HDAC9: variants seen among roughly 807,000 people sequenced by gnomAD.
The protein encoded by HDAC9 is MEF-2 interacting transcription repressor (MITR) protein.
A neutral mutation model predicts 139.4 loss-of-function variants in HDAC9; 41 were observed. The ratio of observed to expected loss-of-function variants is 0.29; its 90% CI spans 0.23 to 0.38. The LOEUF (loss-of-function observed/expected upper bound fraction) is 0.38, where lower values mean the gene tolerates loss of function less well. Ranked by LOEUF, HDAC9 falls within the 10% of genes least tolerant of loss-of-function variation. HDAC9 has a pLI of 1.00. For synonymous variants in HDAC9, 517 were observed against 476.2 expected (o/e 1.09, Z -1.12); for missense variants, 1,147 against 1,297.0 (o/e 0.88, Z 1.78).
chr7:18,338,584 A>T (rs1273476661), intron 1 of HDAC9, among the ~76,000 whole-genome samples: 1 of 151,640 alleles, frequency 6.6e-6, no homozygotes. Flanking sequence ...TATTCTATTA[A>T]TATGGCATCT....
intron 24 of HDAC9, among the ~76,000 whole-genome samples, chr7:18,956,657 A>G (rs1029904661): frequency 1.3e-4 from 20 of 152,130 alleles, no homozygotes; most frequent in African/African-American, 4.3e-4. Flanking sequence ...CATCTACTCA[A>G]AAGGAGTCTG....
At chr7:18,600,701 G>T (rs1231200285) in intron 6 of HDAC9, among the ~76,000 whole-genome samples, 1 of 152,126 alleles carries the variant, frequency 6.6e-6, no homozygotes, top group Non-Finnish European at 1.5e-5. Context: ...TCTTAAAGTT[G>T]GGTACTGTCA....
intron 13 of HDAC9, among the ~76,000 whole-genome samples, chr7:18,744,804 C>G (rs1423159155): frequency 6.6e-6 from 1 of 151,824 alleles, no homozygotes; most frequent in Admixed American, 6.6e-5. Flanking sequence ...AGCACAAAGT[C>G]CAAGTTTATC....
chr7:18,732,524 GTATGTGTATA>G (rs1479398395), intron 13 of HDAC9, among the ~76,000 whole-genome samples: 2 of 135,526 alleles, frequency 1.5e-5, no homozygotes, highest in East Asian at 4.5e-4. Context: ...TACACTGTAT[GTATGTGTATA>G]TATGTGTATA....
intron 17 of HDAC9, among the ~76,000 whole-genome samples, chr7:18,798,517 A>G (rs1183783238): frequency 6.6e-6 from 1 of 152,154 alleles, no homozygotes; most frequent in African/African-American, 2.4e-5. Context: ...AGCATAAACT[A>G]GTAACTTGCC....
chr7:18,689,223 G>T (rs1308129593), intron 12 of HDAC9, among the ~76,000 whole-genome samples: 1 of 151,906 alleles, frequency 6.6e-6, no homozygotes, highest in Non-Finnish European at 1.5e-5. Context: ...AAACATTATT[G>T]CAACTTCCAA....
In HDAC9 at chr7:18,099,500, C is replaced by G. The variant is rs886418370; in HGVS notation, c.-97+12287C>G. The stretch of plus-strand genomic sequence containing the variant: ...TAAAGAAAAAAAAAATAAAGTTCAT[C>G]AAAGGCCTTTGCTTAAACTTATGAG... On this transcript the variant is annotated intron_variant, in intron 1 of 12. Coordinates refer to the HDAC9 transcript ENST00000417496. Among the ~76,000 whole-genome samples the G allele has an allele frequency of 5.3e-5, 8 of 152,008 alleles. No individual in the cohort carries two copies. In the South Asian group the frequency reaches 1.7e-3, roughly 32 times the overall value.
rs772291313 is a variant in HDAC9, at chr7:18,666,313, C to T, written c.1568C>T (p.Ala523Val). 4 of 1,613,284 alleles carry T rather than the reference C, an allele frequency of 2.5e-6. No individual in the cohort carries two copies. Among genetic ancestry groups the T allele is most frequent in the South Asian group, 1.1e-5 (1 of 91,078 alleles). The change falls in exon 12 of 26, where the codon GCG (alanine) becomes GTG (valine). Residue 523 changes from alanine (A) to valine (V), a missense_variant. Coordinates refer to ENST00000686413, the MANE Select transcript of HDAC9 (RefSeq NM_178425.4). ...GACCAGGCGATGCAGGAAGACAGAG[C>T]GCCCTCTAGTGGCAACAGCACTAGG... is the stretch of plus-strand genomic sequence containing the variant. ...QGDQAMQEDR[A>V]PSSGNSTRSD...
chr7:18,219,985 T>TTTGCCAGAA (rs1481380538), intron 2 of HDAC9, among the ~76,000 whole-genome samples: 1 of 152,156 alleles, frequency 6.6e-6, no homozygotes, highest in Non-Finnish European at 1.5e-5. Context: ...AGGAATACAT[T>TTTGCCAGAA]TTGCCAGATT....
At chr7:18,683,120 CA>C (rs1363825499) in intron 12 of HDAC9, among the ~76,000 whole-genome samples, 2 of 151,276 alleles carry the variant, frequency 1.3e-5, no homozygotes, top group Non-Finnish European at 3.0e-5. Flanking sequence ...CTTTTTTTTA[CA>C]AAAAACGAAT....
intron 1 of HDAC9, among the ~76,000 whole-genome samples, chr7:18,328,344 T>TA (rs1269448206): frequency 1.5e-5 from 2 of 131,586 alleles, no homozygotes; most frequent in Admixed American, 7.5e-5. Context: ...TCCAGACACT[T>TA]ACGGGGTTAG....
intron 22 of HDAC9, among the ~76,000 whole-genome samples, chr7:18,891,822 G>T (rs1800706242): frequency 1.3e-5 from 2 of 152,108 alleles, no homozygotes; most frequent in Non-Finnish European, 2.9e-5. Flanking sequence ...AGGACACATA[G>T]GACAGAGATA....
intron 1 of HDAC9, among the ~76,000 whole-genome samples, chr7:18,128,421 C>G (rs1584211792): frequency 6.6e-6 from 1 of 151,922 alleles, no homozygotes; most frequent in African/African-American, 2.4e-5. Flanking sequence ...GCTTTGTTGT[C>G]TGTAAAATCA....
chr7:18,907,513 T>G (rs1252053013), intron 22 of HDAC9, among the ~76,000 whole-genome samples: 4 of 152,222 alleles, frequency 2.6e-5, no homozygotes, highest in Admixed American at 6.5e-5. Flanking sequence ...GTGTAAGAAT[T>G]CCCTGCAGAT....
At chr7:18,972,880 A>G (rs1784334054) in intron 24 of HDAC9, among the ~76,000 whole-genome samples, 1 of 152,242 alleles carries the variant, frequency 6.6e-6, no homozygotes, top group Non-Finnish European at 1.5e-5. Flanking sequence ...CAACTGAATC[A>G]CATATCTTAA....
At chr7:18,255,632 T>TTTC in intron 2 of HDAC9, among the ~76,000 whole-genome samples, 1 of 145,548 alleles carries the variant, frequency 6.9e-6, no homozygotes, top group East Asian at 2.0e-4. Context: ...TTTCCTTTTT[T>TTTC]TTTTTTTTTT....
At chr7:18,307,330 TAGAA>T (rs547690701) in intron 1 of HDAC9, among the ~76,000 whole-genome samples, 28 of 152,256 alleles carry the variant, frequency 1.8e-4, no homozygotes, top group African/African-American at 6.7e-4. Context: ...TGACGTGTAT[TAGAA>T]AGGTTCTGAA....
At chr7:18,509,457 A>T (rs1224501536) in intron 2 of HDAC9, 2 of 985,172 alleles carry the variant, frequency 2.0e-6, no homozygotes, top group African/African-American at 3.5e-5. Context: ...GTTAGTGGTG[A>T]CTTGTTTTTT....
chr7:18,186,509 A>G (rs1789927679), intron 2 of HDAC9, among the ~76,000 whole-genome samples: 2 of 152,214 alleles, frequency 1.3e-5, no homozygotes, highest in African/African-American at 4.8e-5. Context: ...ACTCTGCCCC[A>G]CTCTTCACTA....
Sources: allele counts gnomAD v4.1 joint callset (sites outside exome capture counted in the v4.1 genomes callset), GRCh38; gene constraint gnomAD v4.1.1; transcripts MANE v1.5; gene names NCBI Gene and HGNC (gene_info 2026-07-23, HGNC 2026-07-21).